CLASP2: variants seen among roughly 807,000 people sequenced by gnomAD.
CLASP2 encodes the protein cytoplasmic linker associated protein 2.
CLASP2 carries 47 observed loss-of-function variants against 194.4 expected under a neutral mutation model. That is an observed-to-expected ratio of 0.24 (90% CI 0.19 to 0.31). The LOEUF (loss-of-function observed/expected upper bound fraction) is 0.31, where lower values mean the gene tolerates loss of function less well. Ranked by LOEUF, CLASP2 falls within the 10% of genes least tolerant of loss-of-function variation. The pLI, the probability that CLASP2 is intolerant of heterozygous loss-of-function variation, is 1.00. For missense variants in CLASP2, 1,445 were observed against 1,823.6 expected (o/e 0.79, Z 3.78); for synonymous variants, 619 against 633.5 (o/e 0.98, Z 0.34).
At chr3:33,599,104 CTTATTTAT>C (rs10556405) in intron 18 of CLASP2, among the ~76,000 whole-genome samples, 277 of 150,352 alleles carry the variant, frequency 1.8e-3, no homozygotes, top group Non-Finnish European at 2.6e-3. Flanking sequence ...TTGTTGTTGT[CTTATTTAT>C]TTATTTATTT....
intron 10 of CLASP2, among the ~76,000 whole-genome samples, chr3:33,623,345 C>G (rs2077429165): frequency 1.3e-5 from 2 of 152,088 alleles, no homozygotes; most frequent in South Asian, 4.1e-4. Flanking sequence ...TACTGTGCTG[C>G]CTAACACTGG....
At chr3:33,573,531 A>G in intron 24 of CLASP2, 177 bp from the exon 25 acceptor site, 1 of 713,594 alleles carries the variant, frequency 1.4e-6, no homozygotes, top group South Asian at 1.6e-5. Flanking sequence ...AAGTTTTAGA[A>G]GTTAGTAGAA....
intron 38 of CLASP2, among the ~76,000 whole-genome samples, chr3:33,500,583 T>A (rs1337818669): frequency 6.6e-6 from 1 of 152,190 alleles, no homozygotes; most frequent in African/African-American, 2.4e-5. Context: ...TAAAACTTTG[T>A]CTCTCATGGT....
At chr3:33,594,655 A>G (rs961043223) in intron 20 of CLASP2, among the ~76,000 whole-genome samples, 6 of 151,752 alleles carry the variant, frequency 4.0e-5, no homozygotes, top group African/African-American at 1.5e-4. Flanking sequence ...TCACTACTAT[A>G]AAAAATGAAT....
rs1417573311 is a variant in CLASP2 at position 33,573,199 on chromosome 3, G to A, written c.2610C>T (p.Val870=). The change falls in exon 25 of 39, where the codon GTC becomes GTT. Residue 870 remains valine (V), a synonymous_variant. Coordinates refer to ENST00000682230, the MANE Select transcript of CLASP2 (RefSeq NM_001365631.1). ...AATTGGAACTAGCACATCTATTGAG[G>A]ACTTCTGCCACATCTTCCGTCTGCC... ...YMRQTEDVAE[V]LNRCASSNWS... is the part of the protein sequence containing the mutation. 2 of 1,613,796 alleles carry A rather than the reference G, an allele frequency of 1.2e-6. No individual in the cohort carries two copies. Among genetic ancestry groups the A allele is most frequent in the South Asian group, 2.2e-5 (2 of 91,080 alleles).
intron 8 of CLASP2, among the ~76,000 whole-genome samples, chr3:33,637,059 G>C (rs1342160840): frequency 6.6e-6 from 1 of 152,154 alleles, no homozygotes; most frequent in Non-Finnish European, 1.5e-5. Flanking sequence ...CTGACTAAAA[G>C]GAAGTGAATA....
intron 16 of CLASP2, among the ~76,000 whole-genome samples, chr3:33,606,269 C>T (rs928759881): frequency 2.0e-5 from 3 of 152,062 alleles, no homozygotes; most frequent in Non-Finnish European, 4.4e-5. Flanking sequence ...ATCTCCATTA[C>T]AATTCCTCCA....
At chr3:33,711,939 G>A (rs2093033705) in intron 1 of CLASP2, among the ~76,000 whole-genome samples, 1 of 152,094 alleles carries the variant, frequency 6.6e-6, no homozygotes, top group African/African-American at 2.4e-5. Context: ...TGTCCACTCT[G>A]AAAAACAGTA....
intron 34 of CLASP2, among the ~76,000 whole-genome samples, chr3:33,519,559 T>A (rs1286647002): frequency 6.6e-6 from 1 of 151,904 alleles, no homozygotes; most frequent in Non-Finnish European, 1.5e-5. Flanking sequence ...GAGAACAATT[T>A]AAAAAAGAAT....
chr3:33,580,869 A>G (rs983912306), intron 23 of CLASP2, among the ~76,000 whole-genome samples: 1 of 151,704 alleles, frequency 6.6e-6, no homozygotes, highest in African/African-American at 2.4e-5. Flanking sequence ...CAAAAAAATT[A>G]GCCGGGCGTG....
At chr3:33,650,189 C>T (rs555392358) in intron 7 of CLASP2, among the ~76,000 whole-genome samples, 1 of 152,038 alleles carries the variant, frequency 6.6e-6, no homozygotes, top group Non-Finnish European at 1.5e-5. Flanking sequence ...GCAATTTCTA[C>T]AAATAAAAAT....
intron 31 of CLASP2, 55 bp from the exon 32 acceptor site, chr3:33,543,594 A>G: frequency 9.0e-7 from 1 of 1,109,378 alleles, no homozygotes; most frequent in South Asian, 1.3e-5. Flanking sequence ...TCACTTAAAA[A>G]AACTCTTAAG....
chr3:33,550,821 G>GAAT (rs1157146207), intron 30 of CLASP2, among the ~76,000 whole-genome samples: 1 of 152,100 alleles, frequency 6.6e-6, no homozygotes, highest in Non-Finnish European at 1.5e-5. Context: ...AGTAGTTTAT[G>GAAT]AATACCTTAG....
At chr3:33,695,356 C>T (rs2091778266) in intron 2 of CLASP2, among the ~76,000 whole-genome samples, 1 of 149,660 alleles carries the variant, frequency 6.7e-6, no homozygotes, top group African/African-American at 2.5e-5. Context: ...CCAGTGAGTC[C>T]ATGGGCCTAC....
intron 18 of CLASP2, among the ~76,000 whole-genome samples, chr3:33,600,170 C>T (rs2071662068): frequency 6.6e-6 from 1 of 151,986 alleles, no homozygotes; most frequent in Non-Finnish European, 1.5e-5. Flanking sequence ...TTTGTTCTTC[C>T]ATTCCAATTT....
At chr3:33,600,753 A>G (rs2154252076) in intron 18 of CLASP2, among the ~76,000 whole-genome samples, 1 of 152,326 alleles carries the variant, frequency 6.6e-6, no homozygotes, top group Admixed American at 6.5e-5. Context: ...TGCACAACAT[A>G]TATAAGGATA....
intron 34 of CLASP2, among the ~76,000 whole-genome samples, chr3:33,532,640 T>G (rs764806051): frequency 6.6e-6 from 1 of 152,198 alleles, no homozygotes; most frequent in Non-Finnish European, 1.5e-5. Context: ...CAATGATAAT[T>G]TCCTGATTTA....
chr3:33,714,081 G>A lies in CLASP2; in HGVS notation c.195+3727C>T, dbSNP rs549346222. Among the ~76,000 whole-genome samples the A allele has an allele frequency of 1.3e-5, 2 of 152,264 alleles. 1 individual carries two copies. Among genetic ancestry groups the A allele is most frequent in the South Asian group, 4.1e-4 (2 of 4,824 alleles). ...TTTCTACAAAAAAAGGAAAATAATA[G>A]TATGCTGGTTTCCTAAGGCCATCTC... On this transcript the variant is annotated intron_variant, in intron 1 of 38. Transcript: ENST00000682230.
chr3:33,510,213 G>A (rs1203079147), intron 37 of CLASP2, among the ~76,000 whole-genome samples: 1 of 152,116 alleles, frequency 6.6e-6, no homozygotes, highest in African/African-American at 2.4e-5. Flanking sequence ...GTGCTGGGGG[G>A]GATGAAGGGA....
Sources: allele counts gnomAD v4.1 joint callset (sites outside exome capture counted in the v4.1 genomes callset), GRCh38; gene constraint gnomAD v4.1.1; transcripts MANE v1.5; gene names NCBI Gene and HGNC (gene_info 2026-07-23, HGNC 2026-07-21).